Variants in KAZN observed in about 807,000 individuals in gnomAD.
KAZN encodes kazrin, periplakin interacting protein.
A neutral mutation model predicts 87.4 loss-of-function variants in KAZN; 40 were observed. The ratio of observed to expected loss-of-function variants is 0.46; its 90% CI spans 0.36 to 0.60. KAZN has a LOEUF of 0.60. Among genes scored for constraint, KAZN ranks in the 20% least tolerant of loss-of-function variants. The probability of loss-of-function intolerance (pLI) is 0.00; values close to 1 mark genes in which losing one functional copy is unlikely to be tolerated. For missense variants in KAZN, 898 were observed against 1,073.9 expected (o/e 0.84, Z 2.29); for synonymous variants, 466 against 458.3 (o/e 1.02, Z -0.22).
intron 2 of KAZN, among the ~76,000 whole-genome samples, chr1:14,449,993 A>C (rs935235043): frequency 3.4e-4 from 52 of 152,160 alleles, no homozygotes; most frequent in African/African-American, 1.3e-3. Flanking sequence ...CCCTTTCAGG[A>C]GGGTTTTATG....
At chr1:14,992,770 A>G (rs917118437) in intron 2 of KAZN, among the ~76,000 whole-genome samples, 2 of 151,932 alleles carry the variant, frequency 1.3e-5, no homozygotes, top group Non-Finnish European at 2.9e-5. Context: ...CAGCCTCCCA[A>G]GTAGCTGGGA....
intron 8 of KAZN, chr1:15,067,041 C>A: frequency 1.0e-6 from 1 of 985,640 alleles, no homozygotes; most frequent in Non-Finnish European, 1.2e-6. Flanking sequence ...AAGGGTACGA[C>A]CAGTGGGACC....
chr1:14,095,604 G>C (rs72862519), intron 1 of KAZN, among the ~76,000 whole-genome samples: 5,590 of 152,168 alleles, frequency 0.037, 353 homozygotes, highest in African/African-American at 0.13. Context: ...TCATCTGGAG[G>C]CTTCTTCACA....
At chr1:14,929,143 C>G (rs1449262243) in intron 1 of KAZN, among the ~76,000 whole-genome samples, 3 of 152,256 alleles carry the variant, frequency 2.0e-5, no homozygotes, top group Non-Finnish European at 4.4e-5. Flanking sequence ...GATTAGCATC[C>G]TTTCCCCCTG....
chr1:14,420,908 TCCCCTCCACAC>T (rs1665374005), intron 2 of KAZN, among the ~76,000 whole-genome samples: 1 of 145,470 alleles, frequency 6.9e-6, no homozygotes, highest in African/African-American at 2.5e-5. Flanking sequence ...CCTCCACACC[TCCCCTCCACAC>T]CTCCCCGCAA....
At chr1:14,962,531 C>A (rs1480892270) in intron 2 of KAZN, among the ~76,000 whole-genome samples, 1 of 152,184 alleles carries the variant, frequency 6.6e-6, no homozygotes, top group East Asian at 1.9e-4. Flanking sequence ...TCCCAGGATC[C>A]TGTAATATCC....
intron 1 of KAZN, among the ~76,000 whole-genome samples, chr1:14,793,531 A>G (rs72636689): frequency 0.069 from 10,437 of 152,248 alleles, 468 homozygotes; most frequent in African/African-American, 0.12. Flanking sequence ...TTACCTAGCT[A>G]TAAAATGGGA....
intron 2 of KAZN, among the ~76,000 whole-genome samples, chr1:14,298,157 C>T (rs1557624025): frequency 6.6e-6 from 1 of 152,020 alleles, no homozygotes; most frequent in South Asian, 2.1e-4. Context: ...CCCAGGAGGT[C>T]GAGGCTGCAG....
chr1:14,916,159 T>C (rs1312628875), intron 1 of KAZN, among the ~76,000 whole-genome samples: 2 of 141,002 alleles, frequency 1.4e-5, no homozygotes, highest in Non-Finnish European at 3.0e-5. Flanking sequence ...TGTAGTATTT[T>C]CACTGTTGTT....
intron 10 of KAZN, among the ~76,000 whole-genome samples, chr1:15,101,310 T>C (rs1461811799): frequency 1.3e-5 from 2 of 151,894 alleles, no homozygotes; most frequent in African/African-American, 4.8e-5. Flanking sequence ...TCTCTCTGTC[T>C]CCCTCCTCCA....
chr1:14,320,936 AG>A (rs768972481), intron 2 of KAZN, among the ~76,000 whole-genome samples: 1 of 152,196 alleles, frequency 6.6e-6, no homozygotes, highest in Non-Finnish European at 1.5e-5. Context: ...GTATTATTCA[AG>A]ATACTAGTTT....
intron 1 of KAZN, among the ~76,000 whole-genome samples, chr1:14,694,374 G>T (rs1641486971): frequency 6.6e-6 from 1 of 152,238 alleles, no homozygotes; most frequent in South Asian, 2.1e-4. Flanking sequence ...AAGTTGGAGG[G>T]TAAGGTAGTC....
intron 1 of KAZN, among the ~76,000 whole-genome samples, chr1:14,848,875 C>T (rs1467480267): frequency 1.3e-5 from 2 of 152,112 alleles, no homozygotes; most frequent in Non-Finnish European, 2.9e-5. Context: ...CCTGGGAGCG[C>T]CTTGGAAACA....
chr1:14,651,382 G>A (rs1413658419), intron 1 of KAZN, among the ~76,000 whole-genome samples: 1 of 152,154 alleles, frequency 6.6e-6, no homozygotes, highest in African/African-American at 2.4e-5. Flanking sequence ...GTAATGATTG[G>A]GGAGGTTTTC....
At chr1:13,913,797 C>T (rs72639058) in intron 1 of KAZN, among the ~76,000 whole-genome samples, 22,254 of 152,208 alleles carry the variant, frequency 0.15, 1,907 homozygotes, top group South Asian at 0.29. Flanking sequence ...CTCTCAGCCC[C>T]GCCCCAGAAA....
chr1:14,371,563 G>C (rs1336480254), intron 2 of KAZN, among the ~76,000 whole-genome samples: 1 of 152,048 alleles, frequency 6.6e-6, no homozygotes, highest in East Asian at 1.9e-4. Context: ...GAGAGGCTGA[G>C]TGTCTAAAGA....
chr1:14,676,963 T>G (rs921891008), intron 1 of KAZN, among the ~76,000 whole-genome samples: 4 of 152,156 alleles, frequency 2.6e-5, no homozygotes, highest in African/African-American at 9.7e-5. Flanking sequence ...AAGTATTATA[T>G]CACAATAATA....
intron 1 of KAZN, among the ~76,000 whole-genome samples, chr1:14,736,311 T>G (rs1420761852): frequency 1.4e-5 from 2 of 144,540 alleles, no homozygotes; most frequent in African/African-American, 5.2e-5. Context: ...ATATTTTTTT[T>G]TTTTGAGACG....
chr1:14,272,565 T>C (rs2039766), intron 2 of KAZN, among the ~76,000 whole-genome samples: 58,384 of 152,024 alleles, frequency 0.38, 12,121 homozygotes, highest in Middle Eastern at 0.54. Context: ...GCACATAAAA[T>C]TCAACATTCT....
Sources: allele counts gnomAD v4.1 joint callset (sites outside exome capture counted in the v4.1 genomes callset), GRCh38; gene constraint gnomAD v4.1.1; transcripts MANE v1.5; gene names NCBI Gene and HGNC (gene_info 2026-07-23, HGNC 2026-07-21).